The following ROBO2 variants were observed in gnomAD, a reference collection of about 807,000 sequenced individuals.
ROBO2 encodes the protein roundabout guidance receptor 2, also known as roundabout homolog 2.
Under a neutral mutation model 160.8 loss-of-function variants are expected in ROBO2, and 53 were observed. That is an observed-to-expected ratio of 0.33 (90% CI 0.26 to 0.41). The LOEUF (loss-of-function observed/expected upper bound fraction) is 0.41. Among genes scored for constraint, ROBO2 ranks in the 10% least tolerant of loss-of-function variants. The pLI, the probability that ROBO2 is intolerant of heterozygous loss-of-function variation, is 1.00. For synonymous variants in ROBO2, 664 were observed against 611.7 expected (o/e 1.09, Z -1.26); for missense variants, 1,577 against 1,722.4 (o/e 0.92, Z 1.49).
chr3:76,229,243 A>T (rs538556481), intron 2 of ROBO2, among the ~76,000 whole-genome samples: 4 of 152,150 alleles, frequency 2.6e-5, no homozygotes, highest in Non-Finnish European at 5.9e-5. Flanking sequence ...AGTGTTGCAA[A>T]CCAGAATTTT....
In ROBO2 at chr3:76,765,211, C is replaced by T. The variant is rs560593436; in HGVS notation, c.110-332803C>T. On this transcript the variant is annotated intron_variant, in intron 2 of 26. Transcript: ENST00000487694. The stretch of plus-strand genomic sequence containing the variant: ...TTGAATTTTTTTATTAGATAATAGG[C>T]AGCTAAACTTTAAATATGAAATACA... 4.4e-4 allele frequency among the ~76,000 whole-genome samples: 67 copies of T among 151,818 alleles called. 1 individual carries two copies. Among genetic ancestry groups the T allele is most frequent in the African/African-American group, 1.6e-3 (65 of 41,496 alleles).
intron 2 of ROBO2, among the ~76,000 whole-genome samples, chr3:77,127,762 G>T (rs543214428): frequency 3.5e-4 from 54 of 152,176 alleles, no homozygotes; most frequent in Non-Finnish European, 6.9e-4. Flanking sequence ...CTAAAGTTTT[G>T]ACTTATCCAA....
chr3:76,095,787 CAA>C (rs1453157200), intron 2 of ROBO2, among the ~76,000 whole-genome samples: 8 of 141,342 alleles, frequency 5.7e-5, no homozygotes, highest in Admixed American at 2.8e-4. Context: ...CACACACACA[CAA>C]GATAATCATC....
chr3:77,273,079 C>A (rs1399858695), intron 2 of ROBO2, among the ~76,000 whole-genome samples: 2 of 152,046 alleles, frequency 1.3e-5, no homozygotes, highest in African/African-American at 4.8e-5. Flanking sequence ...AGCATAGTAC[C>A]CAATACGTAG....
At chr3:76,002,271 T>A (rs549896488) in intron 2 of ROBO2, among the ~76,000 whole-genome samples, 1 of 152,164 alleles carries the variant, frequency 6.6e-6, no homozygotes, top group South Asian at 2.1e-4. Context: ...AGAGAGAAGA[T>A]GATGTGAAGA....
chr3:76,464,027 T>C (rs528310214), intron 2 of ROBO2, among the ~76,000 whole-genome samples: 1 of 151,894 alleles, frequency 6.6e-6, no homozygotes, highest in Non-Finnish European at 1.5e-5. Context: ...ATAATAGGAG[T>C]TGGAAAGAGA....
chr3:76,429,026 A>G (rs567425768), intron 2 of ROBO2, among the ~76,000 whole-genome samples: 1 of 152,316 alleles, frequency 6.6e-6, no homozygotes, highest in Non-Finnish European at 1.5e-5. Flanking sequence ...ACTTCGTAGG[A>G]TGAAAATAAT....
chr3:76,215,099 G>T (rs1703416217), intron 2 of ROBO2, among the ~76,000 whole-genome samples: 2 of 152,212 alleles, frequency 1.3e-5, no homozygotes, highest in Admixed American at 1.3e-4. Context: ...GCAGCTGAGG[G>T]TCTTGACTGT....
At chr3:76,278,908 C>T (rs1708081846) in intron 2 of ROBO2, among the ~76,000 whole-genome samples, 1 of 151,922 alleles carries the variant, frequency 6.6e-6, no homozygotes, top group Non-Finnish European at 1.5e-5. Flanking sequence ...GTAAGCTGCT[C>T]TCCCACTCCT....
chr3:77,131,425 C>T (rs142823337), intron 2 of ROBO2, among the ~76,000 whole-genome samples: 1 of 152,140 alleles, frequency 6.6e-6, no homozygotes, highest in Non-Finnish European at 1.5e-5. Context: ...GTTTTTCATA[C>T]AGATTACTTG....
At chr3:76,496,197 C>A (rs1487158221) in intron 2 of ROBO2, among the ~76,000 whole-genome samples, 3 of 151,458 alleles carry the variant, frequency 2.0e-5, no homozygotes, top group Admixed American at 2.0e-4. Context: ...TCACCCATTT[C>A]ATCTTCACGT....
At chr3:75,960,718 C>T (rs932296863) in intron 2 of ROBO2, among the ~76,000 whole-genome samples, 2 of 151,704 alleles carry the variant, frequency 1.3e-5, no homozygotes, top group African/African-American at 4.8e-5. Flanking sequence ...AGACAGTAGG[C>T]AAGTAAACTA....
In ROBO2 at chr3:76,847,685, G is replaced by C. The variant is rs141414429; in HGVS notation, c.110-250329G>C. ...CTCAACTCGGCATTGCTGAAAGGTGGTATTCCCCTTTCTCAGTATATTTTT... is the reference window on the plus strand; with the variant it reads ...CTCAACTCGGCATTGCTGAAAGGTGCTATTCCCCTTTCTCAGTATATTTTT... On this transcript the variant is annotated intron_variant, in intron 2 of 26. Transcript: ENST00000487694. Among the ~76,000 whole-genome samples, 103 of 152,160 alleles carry C rather than the reference G, an allele frequency of 6.8e-4. No individual in the cohort carries two copies. The East Asian group carries it at 0.018, about 27-fold the overall frequency.
intron 2 of ROBO2, among the ~76,000 whole-genome samples, chr3:76,361,274 TG>T (rs1004275784): frequency 1.8e-4 from 28 of 152,234 alleles, no homozygotes; most frequent in African/African-American, 6.7e-4. Flanking sequence ...GTGGAAGATT[TG>T]TGGAGGACTC....
chr3:77,282,417 A>G (rs923703662), intron 2 of ROBO2, among the ~76,000 whole-genome samples: 1 of 152,100 alleles, frequency 6.6e-6, no homozygotes, highest in Admixed American at 6.6e-5. Flanking sequence ...CCAGAATAAT[A>G]AAATTTATTA....
At chr3:76,337,385 G>C (rs1166103113) in intron 2 of ROBO2, among the ~76,000 whole-genome samples, 1 of 152,072 alleles carries the variant, frequency 6.6e-6, no homozygotes, top group Non-Finnish European at 1.5e-5. Flanking sequence ...AAAATACATG[G>C]GTTGAAGATT....
chr3:77,238,956 G>A (rs962604643), intron 2 of ROBO2, among the ~76,000 whole-genome samples: 2 of 152,028 alleles, frequency 1.3e-5, no homozygotes, highest in African/African-American at 4.8e-5. Flanking sequence ...TCATCCCTTG[G>A]TTCCAGGACC....
At chr3:76,808,902 G>A (rs935300457) in intron 2 of ROBO2, among the ~76,000 whole-genome samples, 1 of 152,018 alleles carries the variant, frequency 6.6e-6, no homozygotes, top group African/African-American at 2.4e-5. Context: ...GGTACAGGAA[G>A]GCAATTGTGT....
chr3:76,992,325 C>CTATA (rs10530833), intron 2 of ROBO2, among the ~76,000 whole-genome samples: 483 of 46,606 alleles, frequency 0.01, 3 homozygotes, highest in East Asian at 0.012. Flanking sequence ...CCATGTATTA[C>CTATA]TATATATATA....
Sources: allele counts gnomAD v4.1 joint callset (sites outside exome capture counted in the v4.1 genomes callset), GRCh38; gene constraint gnomAD v4.1.1; transcripts MANE v1.5; gene names NCBI Gene and HGNC (gene_info 2026-07-23, HGNC 2026-07-21).